The following NCAM1 variants were observed in gnomAD, a reference collection of about 807,000 sequenced individuals.
The protein encoded by NCAM1 is antigen recognized by monoclonal antibody 5.1H11.
NCAM1 carries 14 observed loss-of-function variants against 109.8 expected under a neutral mutation model. The observed-to-expected ratio is 0.13, with a 90% confidence interval of 0.08 to 0.20. The LOEUF (loss-of-function observed/expected upper bound fraction) is 0.20. NCAM1 is among the 10% of genes least tolerant of loss of function. The probability of loss-of-function intolerance (pLI) is 1.00; values close to 1 mark genes in which losing one functional copy is unlikely to be tolerated. For synonymous variants in NCAM1, 418 were observed against 442.9 expected (o/e 0.94, Z 0.70); for missense variants, 774 against 1,109.9 (o/e 0.70, Z 4.30).
chr11:113,253,687 C>A (rs564451149), intron 15 of NCAM1, among the ~76,000 whole-genome samples: 1 of 152,214 alleles, frequency 6.6e-6, no homozygotes, highest in East Asian at 1.9e-4. Flanking sequence ...TAAAAGGGGG[C>A]CTTGGGAGAA....
chr11:113,193,525 G>C (rs782100233), intron 1 of NCAM1, among the ~76,000 whole-genome samples: 6 of 151,970 alleles, frequency 3.9e-5, no homozygotes, highest in Non-Finnish European at 8.8e-5. Context: ...TGGTGATGTG[G>C]GCCTGTAATC....
intron 1 of NCAM1, among the ~76,000 whole-genome samples, chr11:113,172,296 C>A (rs2136471266): frequency 6.6e-6 from 1 of 152,312 alleles, no homozygotes; most frequent in Admixed American, 6.5e-5. Flanking sequence ...TAGCAGGTTC[C>A]AGGAGCTGCC....
chr11:113,113,925 G>T (rs1259979444), intron 1 of NCAM1, among the ~76,000 whole-genome samples: 1 of 152,174 alleles, frequency 6.6e-6, no homozygotes, highest in Non-Finnish European at 1.5e-5. Flanking sequence ...ACTTCACATT[G>T]CTGTCCTCTG....
chr11:113,132,658 G>A (rs369513544), intron 1 of NCAM1, among the ~76,000 whole-genome samples: 4 of 151,210 alleles, frequency 2.6e-5, no homozygotes, highest in Non-Finnish European at 4.4e-5. Flanking sequence ...GTGTCAGAGC[G>A]GGGGTGGGGG....
At chr11:112,961,698 T>C (rs1555063122) in intron 1 of NCAM1, 34 bp downstream of exon 1, 1 of 1,338,978 alleles carries the variant, frequency 7.5e-7, no homozygotes, top group Non-Finnish European at 1.0e-6. Flanking sequence ...CTCAATCTGG[T>C]TTGCTAATTA....
At chr11:112,985,943 C>A (rs897822617) in intron 1 of NCAM1, among the ~76,000 whole-genome samples, 32 of 151,940 alleles carry the variant, frequency 2.1e-4, no homozygotes, top group African/African-American at 7.0e-4. Context: ...ACTTTCAGTA[C>A]TATTTTAAAC....
chr11:113,105,983 A>G (rs944141199), intron 1 of NCAM1, among the ~76,000 whole-genome samples: 7 of 152,138 alleles, frequency 4.6e-5, no homozygotes, highest in African/African-American at 1.7e-4. Flanking sequence ...TGTCATCACC[A>G]AAAACTAATT....
At chr11:113,052,200 C>G (rs1953528139) in intron 1 of NCAM1, among the ~76,000 whole-genome samples, 1 of 152,102 alleles carries the variant, frequency 6.6e-6, no homozygotes. Context: ...TGATACCTAC[C>G]TAAGGGAATT....
At chr11:113,109,748 G>T (rs1555093269) in intron 1 of NCAM1, among the ~76,000 whole-genome samples, 1 of 152,146 alleles carries the variant, frequency 6.6e-6, no homozygotes, top group Non-Finnish European at 1.5e-5. Context: ...AGTGACTTTT[G>T]TGCTGCATCT....
chr11:113,167,194 A>G (rs1188451140), intron 1 of NCAM1, among the ~76,000 whole-genome samples: 2 of 152,178 alleles, frequency 1.3e-5, no homozygotes, highest in African/African-American at 2.4e-5. Context: ...TGAAGCTTTT[A>G]CTCTTCATCA....
At chr11:112,982,814 A>T (rs1234212845) in intron 1 of NCAM1, among the ~76,000 whole-genome samples, 1 of 151,910 alleles carries the variant, frequency 6.6e-6, no homozygotes, top group Non-Finnish European at 1.5e-5. Flanking sequence ...GGCTTGGGAA[A>T]GGTGACCCTG....
chr11:113,052,650 T>TA (rs1335267335), intron 1 of NCAM1, among the ~76,000 whole-genome samples: 1 of 152,138 alleles, frequency 6.6e-6, no homozygotes, highest in African/African-American at 2.4e-5. Context: ...TCTCCAAGTG[T>TA]AAAAAAAATT....
chr11:113,022,379 A>G (rs554009771), intron 1 of NCAM1, among the ~76,000 whole-genome samples: 1 of 152,300 alleles, frequency 6.6e-6, no homozygotes, highest in South Asian at 2.1e-4. Context: ...TGGACAGGGT[A>G]AATTCTTCTG....
intron 1 of NCAM1, among the ~76,000 whole-genome samples, chr11:113,104,564 T>C (rs1002837638): frequency 4.6e-5 from 7 of 152,180 alleles, no homozygotes; most frequent in African/African-American, 7.2e-5. Flanking sequence ...TCTGGCTGCC[T>C]TTCAGCTTGA....
chr11:113,052,686 T>G, intron 1 of NCAM1, among the ~76,000 whole-genome samples: 1 of 152,204 alleles, frequency 6.6e-6, no homozygotes, highest in South Asian at 2.1e-4. Flanking sequence ...TTTCTGTTGT[T>G]TATTAGTATT....
At chr11:113,237,979 T>G (rs1453149303) in intron 14 of NCAM1, among the ~76,000 whole-genome samples, 1 of 149,366 alleles carries the variant, frequency 6.7e-6, no homozygotes, top group Non-Finnish European at 1.5e-5. Context: ...GATATAGATA[T>G]ATATCTCAGA....
chr11:113,055,351 T>C (rs1953656090), intron 1 of NCAM1, among the ~76,000 whole-genome samples: 1 of 152,206 alleles, frequency 6.6e-6, no homozygotes, highest in Admixed American at 6.5e-5. Flanking sequence ...ACAAAAATAA[T>C]GAAGCTCAGA....
chr11:113,146,381 T>C (rs1044170764), intron 1 of NCAM1, among the ~76,000 whole-genome samples: 18 of 152,300 alleles, frequency 1.2e-4, no homozygotes, highest in African/African-American at 4.3e-4. Context: ...GGTAATCTGA[T>C]TGCTAAATGA....
chr11:113,009,557 C>T (rs1951990433), intron 1 of NCAM1, among the ~76,000 whole-genome samples: 1 of 151,880 alleles, frequency 6.6e-6, no homozygotes, highest in African/African-American at 2.4e-5. Context: ...AGGTTTTAAA[C>T]AGTCTCTGTA....
Sources: gnomAD v4.1 joint callset for allele counts (sites outside exome capture counted in the v4.1 genomes callset) on GRCh38, gnomAD v4.1.1 for gene constraint, MANE v1.5 for transcripts, NCBI Gene and HGNC (gene_info 2026-07-23, HGNC 2026-07-21) for gene names.